Variants in RAB40A observed in about 807,000 individuals in gnomAD.
RAB40A encodes the protein RAB40A, member RAS oncogene family, also known as ras-related protein Rab-40A.
For missense variants in RAB40A, 145 were observed against 230.2 expected (o/e 0.63, Z 2.40); for synonymous variants, 65 against 99.9 (o/e 0.65, Z 2.08).
intron 2 of RAB40A, among the ~76,000 whole-genome samples, chrX:103,506,602 T>C (rs2073256054): frequency 9.1e-6 from 1 of 109,525 alleles, no homozygotes; most frequent in South Asian, 3.7e-4. Context: ...AAATATTCAC[T>C]AAAATACTTT....
chrX:103,497,800 A>G (rs2073189148), downstream of RAB40A, among the ~76,000 whole-genome samples: 1 of 111,880 alleles, frequency 8.9e-6, no homozygotes. Context: ...AGTATTCCCC[A>G]GAGGCCACAA....
At chrX:103,498,708 G>A (rs1440990537), downstream of RAB40A, among the ~76,000 whole-genome samples, 1 of 112,311 alleles carries the variant, frequency 8.9e-6, no homozygotes, top group African/African-American at 3.2e-5. Context: ...AGCTCCGTGA[G>A]GCCAGAGATA....
intron 2 of RAB40A, among the ~76,000 whole-genome samples, chrX:103,514,813 A>T (rs1335222564): frequency 8.9e-6 from 1 of 112,222 alleles, no homozygotes; most frequent in Non-Finnish European, 1.9e-5. Flanking sequence ...ATCAATTTAG[A>T]AGTTGTGAAA....
chrX:103,511,340 A>G (rs1283119698), intron 2 of RAB40A, among the ~76,000 whole-genome samples: 1 of 109,140 alleles, frequency 9.2e-6, no homozygotes, highest in Admixed American at 9.8e-5. Flanking sequence ...CTACTAAAAA[A>G]AAATACAAAA....
chrX:103,510,340 G>A lies in RAB40A; in HGVS notation c.-71+7034C>T, dbSNP rs146032860. Reference sequence around the variant, plus strand: ...AGGATCTACTTTGTGAGGGAACTACGAGCACCAAATGACTCAATACCTAAA... The same window carrying A: ...AGGATCTACTTTGTGAGGGAACTACAAGCACCAAATGACTCAATACCTAAA... On this transcript the variant is annotated intron_variant, in intron 2 of 2. Coordinates refer to ENST00000304236, the MANE Select transcript of RAB40A (RefSeq NM_080879.3). 4.0e-3 allele frequency among the ~76,000 whole-genome samples: 446 copies of A among 111,902 alleles called. 16 individuals are homozygous for A. The East Asian group carries it at 0.097, about 24-fold the overall frequency.
chrX:103,504,608 G>T (rs1320422385), intron 2 of RAB40A, among the ~76,000 whole-genome samples: 1 of 111,362 alleles, frequency 9.0e-6, no homozygotes, highest in Non-Finnish European at 1.9e-5. Context: ...TGCAACCTCC[G>T]CCTCCCAGGT....
At chrX:103,494,914 C>G (rs1383804115), downstream of RAB40A, among the ~76,000 whole-genome samples, 1 of 111,581 alleles carries the variant, frequency 9.0e-6, no homozygotes, top group East Asian at 2.8e-4. Flanking sequence ...TTTTGTGATT[C>G]TATATGAATT....
At chrX:103,510,189 C>T (rs1412080699) in intron 2 of RAB40A, among the ~76,000 whole-genome samples, 2 of 112,096 alleles carry the variant, frequency 1.8e-5, no homozygotes, top group Non-Finnish European at 3.8e-5. Context: ...CACAATTTCT[C>T]AGACTCGGGA....
In RAB40A at chrX:103,508,998, G is replaced by C. The variant is rs990415339; in HGVS notation, c.-70-8172C>G. On this transcript the variant is annotated intron_variant, in intron 2 of 2. Coordinates refer to ENST00000304236, the MANE Select transcript of RAB40A (RefSeq NM_080879.3). Reference sequence around the variant, plus strand: ...TCAGCAACTTGCTGCCTTCCTGAGAGACAAAAATCCAGGAATTACTGGCAT... The same window carrying C: ...TCAGCAACTTGCTGCCTTCCTGAGACACAAAAATCCAGGAATTACTGGCAT... Among the ~76,000 whole-genome samples the C allele has an allele frequency of 4.1e-4, 46 of 112,123 alleles. No individual in the cohort carries two copies. The Admixed American group carries it at 4.2e-3, about 10-fold the overall frequency.
downstream of RAB40A, among the ~76,000 whole-genome samples, chrX:103,498,186 G>A (rs1395251214): frequency 9.0e-6 from 1 of 111,362 alleles, no homozygotes; most frequent in Non-Finnish European, 1.9e-5. Flanking sequence ...ATGCATCCCC[G>A]ATCTGCATGT....
Position 103,500,724 on chromosome X carries a change from A to G in RAB40A, c.33T>C (p.Tyr11=), listed in dbSNP as rs142893565. ...CCAGCAGGAACTTGAGCAGGAAGTCATAGGCCTGGTCGGGGCTGCCCGGGG... is the reference window on the plus strand; with the variant it reads ...CCAGCAGGAACTTGAGCAGGAAGTCGTAGGCCTGGTCGGGGCTGCCCGGGG... MSAPGSPDQA[Y]DFLLKFLLVG... is the part of the protein sequence containing the mutation. The change falls in exon 3 of 3, where the codon TAT becomes TAC. Residue 11 remains tyrosine, a synonymous_variant. Coordinates refer to ENST00000304236, the MANE Select transcript of RAB40A (RefSeq NM_080879.3). 76 of 1,209,497 alleles carry G rather than the reference A, an allele frequency of 6.3e-5. No homozygotes were observed. The African/African-American group carries it at 9.8e-4, about 16-fold the overall frequency.
chrX:103,503,918 GAATAT>G (rs1386266178), intron 2 of RAB40A, among the ~76,000 whole-genome samples: 1 of 111,718 alleles, frequency 9.0e-6, no homozygotes, highest in Non-Finnish European at 1.9e-5. Context: ...CCATAAAATA[GAATAT>G]AATGAATGCT....
intron 2 of RAB40A, among the ~76,000 whole-genome samples, chrX:103,514,423 C>T (rs773694619): frequency 9.0e-6 from 1 of 111,633 alleles, no homozygotes; most frequent in Non-Finnish European, 1.9e-5. Flanking sequence ...AATTATGGCT[C>T]AGCACAGCCT....
At chrX:103,496,252 C>T (rs946958936), downstream of RAB40A, among the ~76,000 whole-genome samples, 12 of 112,229 alleles carry the variant, frequency 1.1e-4, no homozygotes, top group Non-Finnish European at 1.9e-5. Context: ...TTGATTGAGA[C>T]AATTTGTCTT....
chrX:103,504,262 C>A (rs1334279165), intron 2 of RAB40A, among the ~76,000 whole-genome samples: 4 of 110,898 alleles, frequency 3.6e-5, no homozygotes, highest in African/African-American at 1.3e-4. Flanking sequence ...CATTCATATC[C>A]CAAACCTTAG....
chrX:103,504,941 T>C (rs1206160999), intron 2 of RAB40A, among the ~76,000 whole-genome samples: 1 of 112,446 alleles, frequency 8.9e-6, no homozygotes, highest in East Asian at 2.8e-4. Context: ...GAACTTTTAA[T>C]AATAAAAGCA....
intron 2 of RAB40A, among the ~76,000 whole-genome samples, chrX:103,512,612 C>A: frequency 9.0e-6 from 1 of 111,573 alleles, no homozygotes; most frequent in Non-Finnish European, 1.9e-5. Flanking sequence ...ATTTCATACC[C>A]GGATTGACTA....
chrX:103,498,221 T>C, downstream of RAB40A, among the ~76,000 whole-genome samples: 1 of 111,821 alleles, frequency 8.9e-6, no homozygotes. Flanking sequence ...CCTTCAAGTA[T>C]TCACCCTCAG....
At position 103,500,139 on chromosome X, in the gene RAB40A, C is replaced by T; in HGVS notation, c.618G>A (p.Val206=). 7 of 1,212,094 alleles carry T rather than the reference C, an allele frequency of 5.8e-6. No individual in the cohort carries two copies. Among genetic ancestry groups the T allele is most frequent in the Non-Finnish European group, 7.8e-6 (7 of 895,581 alleles). Reference sequence around the variant, plus strand: ...GGAGCGGGAGCTTGTCCACCAGATGCACAGGTGTGCAGGACACGATGGTGC... The same window carrying T: ...GGAGCGGGAGCTTGTCCACCAGATGTACAGGTGTGCAGGACACGATGGTGC... ...CCRTIVSCTP[V]HLVDKLPLPS... is the part of the protein sequence containing the mutation. Residue 206 remains valine, a synonymous_variant, in exon 3 of 3, where the codon GTG becomes GTA. Transcript: ENST00000304236.
Sources: allele counts gnomAD v4.1 joint callset (sites outside exome capture counted in the v4.1 genomes callset), GRCh38; gene constraint gnomAD v4.1.1; transcripts MANE v1.5; gene names NCBI Gene and HGNC (gene_info 2026-07-23, HGNC 2026-07-21).